Variants in MYO1D observed in about 807,000 individuals in gnomAD.
MYO1D encodes myosin ID.
A neutral mutation model predicts 122.0 loss-of-function variants in MYO1D; 83 were observed. The observed-to-expected ratio is 0.68, with a 90% CI of 0.57 to 0.82. The LOEUF (loss-of-function observed/expected upper bound fraction) is 0.82. MYO1D is among the 40% of genes least tolerant of loss of function. The pLI is 0.00. For missense variants in MYO1D, 1,157 were observed against 1,269.5 expected (o/e 0.91, Z 1.35); for synonymous variants, 464 against 446.9 (o/e 1.04, Z -0.48).
intron 18 of MYO1D, 60 bp from the exon 19 acceptor site, chr17:32,654,007 A>C: frequency 1.5e-6 from 2 of 1,339,486 alleles, no homozygotes; most frequent in Non-Finnish European, 2.1e-6. Context: ...AGGAAAGGCA[A>C]TCTTTCAGTG....
At chr17:32,843,022 G>C (rs2090898558) in intron 1 of MYO1D, among the ~76,000 whole-genome samples, 1 of 151,566 alleles carries the variant, frequency 6.6e-6, no homozygotes, top group South Asian at 2.1e-4. Flanking sequence ...CCAAGTAGCT[G>C]GGACTACAGG....
chr17:32,853,827 A>G (rs1055371128), intron 1 of MYO1D, among the ~76,000 whole-genome samples: 8 of 152,236 alleles, frequency 5.3e-5, no homozygotes, highest in Non-Finnish European at 1.0e-4. Flanking sequence ...AAATTTACCC[A>G]ATAAATTTGT....
intron 16 of MYO1D, among the ~76,000 whole-genome samples, chr17:32,694,088 A>G (rs2089139647): frequency 6.6e-6 from 1 of 152,200 alleles, no homozygotes; most frequent in South Asian, 2.1e-4. Context: ...CTGCTTAGTA[A>G]TATATGTAGG....
At chr17:32,808,269 G>A (rs1245827526) in intron 1 of MYO1D, among the ~76,000 whole-genome samples, 1 of 151,914 alleles carries the variant, frequency 6.6e-6, no homozygotes, top group African/African-American at 2.4e-5. Flanking sequence ...TAGTTACTCA[G>A]GGGGCTGAGG....
At chr17:32,737,362 C>CTTTTTTTTTTTTTTTTTTTT (rs59432486) in intron 14 of MYO1D, among the ~76,000 whole-genome samples, 2 of 142,134 alleles carry the variant, frequency 1.4e-5, no homozygotes, top group Non-Finnish European at 1.5e-5. Context: ...AATAATACAA[C>CTTTTTTTTTTTTTTTTTTTT]TTTTTTTTTT....
intron 1 of MYO1D, among the ~76,000 whole-genome samples, chr17:32,817,466 A>G (rs2090621836): frequency 6.6e-6 from 1 of 152,196 alleles, no homozygotes; most frequent in South Asian, 2.1e-4. Context: ...GTAATATTTT[A>G]CACTCATAAA....
chr17:32,565,211 C>A (rs1477183005), intron 21 of MYO1D, among the ~76,000 whole-genome samples: 1 of 152,132 alleles, frequency 6.6e-6, no homozygotes, highest in African/African-American at 2.4e-5. Context: ...ACCATGTTGG[C>A]CAGACTGGCC....
chr17:32,600,625 G>A (rs905507099), intron 21 of MYO1D, among the ~76,000 whole-genome samples: 6 of 151,980 alleles, frequency 3.9e-5, no homozygotes, highest in African/African-American at 1.2e-4. Flanking sequence ...TCCACTTTTC[G>A]TCTGCAGCTT....
In MYO1D at chr17:32,654,595, C is replaced by T; in HGVS notation, c.2372G>A (p.Ser791Asn). 1 of 1,612,468 alleles carries T rather than the reference C, an allele frequency of 6.2e-7. No homozygotes were observed. Among genetic ancestry groups the T allele is most frequent in the Non-Finnish European group, 8.5e-7 (1 of 1,179,354 alleles). The part of the protein sequence containing the change: ...NRWRASQLIK[S>N]IPASDLPQVR... ...CTGGGGCAGGTCTGAGGCCGGAATG[C>T]TCTTGATGAGCTGGGATGCTCTCCA... The change falls in exon 18 of 22, where the codon AGC (serine) becomes AAC (asparagine). Residue 791 changes from serine (S) to asparagine (N), a missense_variant. Physicochemically the swap from Ser to Asn is conservative, Grantham distance 46 (BLOSUM62 1). Transcript: ENST00000318217.
At chr17:32,662,198 C>A (rs949390672) in intron 16 of MYO1D, among the ~76,000 whole-genome samples, 2 of 152,190 alleles carry the variant, frequency 1.3e-5, no homozygotes, top group East Asian at 3.8e-4. Context: ...TCCCCCACCG[C>A]CCCACGCCCA....
intron 8 of MYO1D, among the ~76,000 whole-genome samples, chr17:32,763,020 A>C (rs1356093740): frequency 6.6e-6 from 1 of 151,702 alleles, no homozygotes; most frequent in African/African-American, 2.4e-5. Context: ...CCCTGTCTCT[A>C]CTAAAAATAT....
At chr17:32,510,826 C>T (rs1410927910) in intron 21 of MYO1D, 1 of 152,178 alleles carries the variant, frequency 6.6e-6, no homozygotes, top group East Asian at 1.9e-4. Flanking sequence ...GGAATCTGTA[C>T]TCTTTAAAGG....
chr17:32,610,297 T>C (rs943123682), intron 20 of MYO1D, among the ~76,000 whole-genome samples: 14 of 152,214 alleles, frequency 9.2e-5, no homozygotes, highest in Non-Finnish European at 1.6e-4. Flanking sequence ...TGGCTTTATC[T>C]GCTGTGGATG....
chr17:32,750,789 C>A (rs571724341), intron 11 of MYO1D, among the ~76,000 whole-genome samples: 1 of 152,188 alleles, frequency 6.6e-6, no homozygotes, highest in East Asian at 1.9e-4. Flanking sequence ...CTTGCCTCTA[C>A]CATCTACTCA....
chr17:32,573,943 C>A (rs894562899), intron 21 of MYO1D, among the ~76,000 whole-genome samples: 3 of 152,224 alleles, frequency 2.0e-5, no homozygotes, highest in African/African-American at 7.2e-5. Context: ...GCTCCGCCCC[C>A]CAGGGTTCAC....
At chr17:32,768,968 G>A (rs528915631) in intron 6 of MYO1D, among the ~76,000 whole-genome samples, 2 of 152,078 alleles carry the variant, frequency 1.3e-5, no homozygotes, top group Non-Finnish European at 2.9e-5. Context: ...CTTGCCAATC[G>A]AACCCTGATT....
intron 21 of MYO1D, among the ~76,000 whole-genome samples, chr17:32,533,827 AT>A (rs1473313761): frequency 8.5e-5 from 13 of 152,368 alleles, no homozygotes; most frequent in African/African-American, 2.4e-4. Context: ...CCCTAAAAAA[AT>A]ATGAAGTGTT....
chr17:32,599,889 G>C (rs1275078729), intron 21 of MYO1D, among the ~76,000 whole-genome samples: 1 of 152,192 alleles, frequency 6.6e-6, no homozygotes, highest in Non-Finnish European at 1.5e-5. Context: ...CTGACCTCAG[G>C]TGATCAGCCC....
intron 1 of MYO1D, among the ~76,000 whole-genome samples, chr17:32,801,544 A>G (rs1304446027): frequency 6.6e-6 from 1 of 152,218 alleles, no homozygotes; most frequent in African/African-American, 2.4e-5. Context: ...ATATATGTTG[A>G]GGATAATGGG....
Sources: gnomAD v4.1 joint callset for allele counts (sites outside exome capture counted in the v4.1 genomes callset) on GRCh38, gnomAD v4.1.1 for gene constraint, MANE v1.5 for transcripts, NCBI Gene and HGNC (gene_info 2026-07-23, HGNC 2026-07-21) for gene names.